SLC38A6: variants seen among roughly 807,000 people sequenced by gnomAD.
SLC38A6 encodes solute carrier family 38 member 6.
In SLC38A6, 73 loss-of-function variants were observed where a neutral mutation model predicts 65.0. The observed-to-expected ratio is 1.12, with a 90% CI of 0.93 to 1.37. The LOEUF (loss-of-function observed/expected upper bound fraction) is 1.37. SLC38A6 is among the 40% of genes most tolerant of loss of function. SLC38A6 has a pLI of 0.00. For synonymous variants in SLC38A6, 183 were observed against 178.8 expected, an observed-to-expected ratio of 1.02 and a Z score of -0.19; for missense variants, 561 against 531.1, an observed-to-expected ratio of 1.06 and a Z score of -0.55.
intron 3 of SLC38A6, among the ~76,000 whole-genome samples, chr14:61,000,814 T>C (rs1235781872): frequency 6.6e-6 from 1 of 152,108 alleles, no homozygotes; most frequent in Non-Finnish European, 1.5e-5. Flanking sequence ...TGTAATGAAT[T>C]CCATTCAGCA....
At chr14:61,077,467 T>C in intron 15 of SLC38A6, among the ~76,000 whole-genome samples, 1 of 152,204 alleles carries the variant, frequency 6.6e-6, no homozygotes, top group East Asian at 1.9e-4. Context: ...TTGCAAAATT[T>C]TTGTCAACAC....
chr14:60,994,015 A>G (rs1443930034), intron 3 of SLC38A6, among the ~76,000 whole-genome samples: 1 of 152,220 alleles, frequency 6.6e-6, no homozygotes, highest in Non-Finnish European at 1.5e-5. Flanking sequence ...CTACTTTGGA[A>G]TACAGTTTGG....
At chr14:61,067,347 T>G (rs1416685931) in intron 15 of SLC38A6, among the ~76,000 whole-genome samples, 1 of 152,170 alleles carries the variant, frequency 6.6e-6, no homozygotes, top group Admixed American at 6.5e-5. Context: ...ATTACTTTAC[T>G]GTCCCTCAAA....
At chr14:61,020,287 G>A (rs937378219) in intron 5 of SLC38A6, among the ~76,000 whole-genome samples, 3 of 152,060 alleles carry the variant, frequency 2.0e-5, no homozygotes, top group Admixed American at 6.6e-5. Flanking sequence ...ATCATTGACT[G>A]GAGTGCTAAA....
At chr14:61,031,188 G>A (rs2040965627) in intron 6 of SLC38A6, 1 of 152,148 alleles carries the variant, frequency 6.6e-6, no homozygotes. Flanking sequence ...ACTTTTCACT[G>A]TGTAGAACAA....
chr14:61,031,741 A>C (rs2041007887), intron 6 of SLC38A6, among the ~76,000 whole-genome samples: 1 of 152,000 alleles, frequency 6.6e-6, no homozygotes, highest in Non-Finnish European at 1.5e-5. Context: ...GCTGTAAAAA[A>C]CATTGAGGGC....
intron 7 of SLC38A6, 117 bp downstream of exon 7, chr14:61,037,258 A>C: frequency 1.4e-6 from 1 of 722,042 alleles, no homozygotes; most frequent in African/African-American, 1.8e-5. Context: ...TGGCAGAAGG[A>C]TGGTGGTTGT....
At chr14:61,003,653 A>G (rs572880343) in intron 3 of SLC38A6, among the ~76,000 whole-genome samples, 4 of 152,312 alleles carry the variant, frequency 2.6e-5, no homozygotes, top group African/African-American at 9.6e-5. Flanking sequence ...TTTGGTTTAT[A>G]TGCTGAGATG....
chr14:61,035,846 C>G (rs971678591), intron 6 of SLC38A6, among the ~76,000 whole-genome samples: 3 of 152,122 alleles, frequency 2.0e-5, no homozygotes, highest in Admixed American at 6.5e-5. Context: ...ACATATGTAT[C>G]TCACATATTG....
At chr14:61,081,453 G>A (rs986508152) in intron 16 of SLC38A6, among the ~76,000 whole-genome samples, 4 of 152,176 alleles carry the variant, frequency 2.6e-5, no homozygotes, top group Non-Finnish European at 5.9e-5. Context: ...CAGGGGCTGA[G>A]GTGGTTAGAT....
chr14:61,050,196 G>A (rs2042423781), intron 12 of SLC38A6, among the ~76,000 whole-genome samples: 1 of 152,130 alleles, frequency 6.6e-6, no homozygotes, highest in Non-Finnish European at 1.5e-5. Flanking sequence ...ACGTGTGAAA[G>A]CACTTTATAA....
chr14:61,062,243 A>C (rs1440753868), intron 15 of SLC38A6, among the ~76,000 whole-genome samples: 1 of 152,192 alleles, frequency 6.6e-6, no homozygotes, highest in Admixed American at 6.5e-5. Flanking sequence ...GAAATTGCCA[A>C]ACTACCTTCC....
intron 15 of SLC38A6, among the ~76,000 whole-genome samples, chr14:61,061,151 G>C (rs957878210): frequency 6.6e-6 from 1 of 152,168 alleles, no homozygotes; most frequent in Non-Finnish European, 1.5e-5. Flanking sequence ...CCTCCCCCAA[G>C]TGTTGAATTT....
intron 15 of SLC38A6, among the ~76,000 whole-genome samples, chr14:61,063,946 C>T (rs991826389): frequency 6.6e-6 from 1 of 152,224 alleles, no homozygotes; most frequent in Admixed American, 6.5e-5. Context: ...AAATGTTTAT[C>T]CCCTTTGTCC....
intron 15 of SLC38A6, among the ~76,000 whole-genome samples, chr14:61,067,795 C>T (rs1023738255): frequency 6.6e-6 from 1 of 151,986 alleles, no homozygotes; most frequent in African/African-American, 2.4e-5. Flanking sequence ...AAATTTCATC[C>T]TGTTAGCTTC....
chr14:61,012,139 C>T (rs867256272), intron 3 of SLC38A6, among the ~76,000 whole-genome samples: 7 of 152,256 alleles, frequency 4.6e-5, no homozygotes, highest in Non-Finnish European at 8.8e-5. Context: ...GGAATTTATC[C>T]ATTTCTTCTA....
chr14:61,012,061 G>T (rs184114872), intron 3 of SLC38A6, among the ~76,000 whole-genome samples: 1,920 of 152,222 alleles, frequency 0.013, 32 homozygotes, highest in Non-Finnish European at 0.015. Flanking sequence ...CAATTTCAGA[G>T]CCTGTTATTG....
intron 4 of SLC38A6, among the ~76,000 whole-genome samples, chr14:61,017,563 A>G (rs918382508): frequency 1.3e-5 from 2 of 152,170 alleles, no homozygotes; most frequent in East Asian, 1.9e-4. Context: ...AAAGAAGAAA[A>G]TATTTTTTGT....
chr14:61,069,295 T>A (rs1341217170), intron 15 of SLC38A6, among the ~76,000 whole-genome samples: 1 of 152,074 alleles, frequency 6.6e-6, no homozygotes, highest in Non-Finnish European at 1.5e-5. Context: ...ACTCTCTTGC[T>A]CAAGAACCTA....
Sources: allele counts gnomAD v4.1 joint callset (sites outside exome capture counted in the v4.1 genomes callset), GRCh38; gene constraint gnomAD v4.1.1; transcripts MANE v1.5; gene names NCBI Gene and HGNC (gene_info 2026-07-23, HGNC 2026-07-21).